The following TENM2 variants were observed in gnomAD, a reference collection of about 807,000 sequenced individuals.
The protein encoded by TENM2 is teneurin transmembrane protein 2.
Under a neutral mutation model 245.2 loss-of-function variants are expected in TENM2, and 52 were observed. The observed-to-expected ratio is 0.21, with a 90% confidence interval of 0.17 to 0.27. TENM2 has a LOEUF of 0.27. TENM2 is among the 10% of genes least tolerant of loss of function. TENM2 has a pLI of 1.00. For missense variants in TENM2, 3,046 were observed against 3,666.8 expected (o/e 0.83, Z 4.37); for synonymous variants, 1,363 against 1,438.9 (o/e 0.95, Z 1.19).
At chr5:167,911,899 T>G (rs1583345295) in intron 3 of TENM2, among the ~76,000 whole-genome samples, 1 of 152,352 alleles carries the variant, frequency 6.6e-6, no homozygotes, top group East Asian at 1.9e-4. Context: ...ATTTATGATA[T>G]ACAGCATGAT....
At chr5:167,279,246 A>C in the TENM2 span, among the ~76,000 whole-genome samples, 1 of 152,092 alleles carries the variant, frequency 6.6e-6, no homozygotes, top group African/African-American at 2.4e-5. Context: ...CTATGGATGC[A>C]ATTGGATTTG....
chr5:167,107,303 A>G, the TENM2 span, among the ~76,000 whole-genome samples: 1 of 151,296 alleles, frequency 6.6e-6, no homozygotes, highest in African/African-American at 2.4e-5. Context: ...AAGGGAAGAA[A>G]AAGAAAGAGA....
intron 2 of TENM2, among the ~76,000 whole-genome samples, chr5:167,551,587 GAT>G (rs1442542849): frequency 7.2e-5 from 11 of 151,972 alleles, no homozygotes; most frequent in Admixed American, 7.2e-4. Context: ...TCTCTATATG[GAT>G]ATATACACAC....
At chr5:168,045,171 C>G (rs1305981162) in intron 5 of TENM2, among the ~76,000 whole-genome samples, 1 of 152,122 alleles carries the variant, frequency 6.6e-6, no homozygotes, top group African/African-American at 2.4e-5. Flanking sequence ...TATTTTTCTT[C>G]TCACTCCTGG....
At chr5:167,815,209 G>A (rs1766949978) in intron 2 of TENM2, among the ~76,000 whole-genome samples, 1 of 152,118 alleles carries the variant, frequency 6.6e-6, no homozygotes, top group Non-Finnish European at 1.5e-5. Context: ...GGATATTGCA[G>A]GCCATTCAGG....
intron 2 of TENM2, among the ~76,000 whole-genome samples, chr5:167,518,417 A>T (rs1467330902): frequency 6.6e-6 from 1 of 152,210 alleles, no homozygotes; most frequent in African/African-American, 2.4e-5. Context: ...TATGTTAATG[A>T]CTGAAAGTAG....
At chr5:167,194,315 C>A in the TENM2 span, among the ~76,000 whole-genome samples, 1 of 151,962 alleles carries the variant, frequency 6.6e-6, no homozygotes, top group Non-Finnish European at 1.5e-5. Context: ...AGACGACGCA[C>A]GAAGGAAAAT....
intron 2 of TENM2, among the ~76,000 whole-genome samples, chr5:167,680,548 C>T (rs1269396704): frequency 1.3e-5 from 2 of 151,892 alleles, no homozygotes; most frequent in Non-Finnish European, 1.5e-5. Context: ...CGGAGTGACA[C>T]GAGGAGATGC....
intron 20 of TENM2, among the ~76,000 whole-genome samples, chr5:168,213,895 G>A (rs1323658128): frequency 6.6e-6 from 1 of 152,204 alleles, no homozygotes; most frequent in African/African-American, 2.4e-5. Flanking sequence ...CTACCACACT[G>A]AGGCAGAAAG....
chr5:167,548,386 G>A (rs1432713729), intron 2 of TENM2, among the ~76,000 whole-genome samples: 3 of 152,162 alleles, frequency 2.0e-5, no homozygotes, highest in Non-Finnish European at 4.4e-5. Flanking sequence ...TGTGGTTGGT[G>A]TAAACTGTCT....
At chr5:167,844,737 G>T (rs1261854007) in intron 2 of TENM2, among the ~76,000 whole-genome samples, 1 of 151,562 alleles carries the variant, frequency 6.6e-6, no homozygotes, top group Non-Finnish European at 1.5e-5. Context: ...CCATCTGTCT[G>T]CCATGATTCT....
At chr5:167,898,037 T>G (rs1327115026) in intron 3 of TENM2, among the ~76,000 whole-genome samples, 1 of 152,036 alleles carries the variant, frequency 6.6e-6, no homozygotes, top group East Asian at 1.9e-4. Flanking sequence ...TCCCCCTACC[T>G]CCTGCTGATC....
At chr5:167,632,555 C>T (rs577082249) in intron 2 of TENM2, among the ~76,000 whole-genome samples, 74 of 152,228 alleles carry the variant, frequency 4.9e-4, no homozygotes, top group African/African-American at 1.6e-3. Flanking sequence ...AATCCCACAG[C>T]GATTAAGTTT....
intron 4 of TENM2, among the ~76,000 whole-genome samples, chr5:167,969,427 T>C (rs1191325687): frequency 2.0e-5 from 3 of 152,230 alleles, no homozygotes; most frequent in African/African-American, 4.8e-5. Context: ...TCCTCAGCCA[T>C]GTGGAACTGT....
chr5:167,375,767 C>T (rs1468371918), intron 2 of TENM2, among the ~76,000 whole-genome samples: 2 of 152,120 alleles, frequency 1.3e-5, no homozygotes, highest in African/African-American at 4.8e-5. Context: ...TAAACTATGA[C>T]CTATACCTAG....
intron 2 of TENM2, among the ~76,000 whole-genome samples, chr5:167,679,759 A>G (rs1159723925): frequency 6.6e-6 from 1 of 152,132 alleles, no homozygotes; most frequent in African/African-American, 2.4e-5. Context: ...CATTTTATTG[A>G]TGAAAAATCT....
At chr5:168,126,892 G>A in exon 12 of TENM2, 2 of 1,608,648 alleles carry the variant, frequency 1.2e-6, no homozygotes, top group Non-Finnish European at 1.7e-6. Context: ...TGTAAAGATG[G>A]CAAATGTGAA....
chr5:167,066,104 G>A, the TENM2 span, among the ~76,000 whole-genome samples: 2 of 152,164 alleles, frequency 1.3e-5, no homozygotes, highest in African/African-American at 4.8e-5. Flanking sequence ...GAATTCATTT[G>A]CCTCCATATC....
the TENM2 span, among the ~76,000 whole-genome samples, chr5:166,981,783 G>C: frequency 0.64 from 96,872 of 151,848 alleles, 31,490 homozygotes; most frequent in Non-Finnish European, 0.71. Flanking sequence ...TTTTTACCCA[G>C]CCACCCCTCT....
Sources: gnomAD v4.1 joint callset for allele counts (sites outside exome capture counted in the v4.1 genomes callset) on GRCh38, gnomAD v4.1.1 for gene constraint, MANE v1.5 for transcripts, NCBI Gene and HGNC (gene_info 2026-07-23, HGNC 2026-07-21) for gene names.